TMEM132B: variants seen among roughly 807,000 people sequenced by gnomAD.
The protein encoded by TMEM132B is transmembrane protein 132B.
A neutral mutation model predicts 90.8 loss-of-function variants in TMEM132B; 18 were observed. That is an observed-to-expected ratio of 0.20 (90% confidence interval 0.14 to 0.29). The LOEUF is 0.29. TMEM132B is among the 10% of genes least tolerant of loss of function. TMEM132B has a pLI of 1.00. For synonymous variants in TMEM132B, 504 were observed against 523.3 expected (o/e 0.96, Z 0.50); for missense variants, 1,096 against 1,326.8 (o/e 0.83, Z 2.70).
intron 1 of TMEM132B, among the ~76,000 whole-genome samples, chr12:125,215,910 C>G (rs1428029928): frequency 6.6e-6 from 1 of 152,216 alleles, no homozygotes; most frequent in Non-Finnish European, 1.5e-5. Flanking sequence ...AGCTCAAGAG[C>G]CTTAACTTGA....
At chr12:125,471,886 A>G (rs1411370305) in intron 3 of TMEM132B, among the ~76,000 whole-genome samples, 1 of 152,226 alleles carries the variant, frequency 6.6e-6, no homozygotes, top group Admixed American at 6.5e-5. Context: ...GGGTAAAGGC[A>G]CGATTCATTT....
chr12:125,323,209 G>T (rs1876475755), intron 1 of TMEM132B, among the ~76,000 whole-genome samples: 1 of 152,168 alleles, frequency 6.6e-6, no homozygotes. Flanking sequence ...GCCAAGGCGG[G>T]CAAATCACCT....
intron 1 of TMEM132B, among the ~76,000 whole-genome samples, chr12:125,232,455 CT>C (rs71834054): frequency 0.016 from 2,294 of 145,536 alleles, 30 homozygotes; most frequent in Non-Finnish European, 0.021. Context: ...TTTCACTTAC[CT>C]TTTTTTTTTT....
At chr12:125,211,421 A>C (rs560911233) in intron 1 of TMEM132B, among the ~76,000 whole-genome samples, 33 of 152,266 alleles carry the variant, frequency 2.2e-4, no homozygotes, top group African/African-American at 7.9e-4. Flanking sequence ...TACCTCCCCA[A>C]AGTCAGCCTC....
At chr12:125,344,741 C>G (rs1428440556) in intron 1 of TMEM132B, among the ~76,000 whole-genome samples, 1 of 152,098 alleles carries the variant, frequency 6.6e-6, no homozygotes, top group Non-Finnish European at 1.5e-5. Context: ...GAAGGTGTCT[C>G]TGAGCTAAGA....
intron 3 of TMEM132B, among the ~76,000 whole-genome samples, chr12:125,496,615 G>A (rs1478282026): frequency 2.0e-5 from 3 of 152,050 alleles, no homozygotes; most frequent in Admixed American, 1.3e-4. Context: ...AGGCAAATGC[G>A]GTGCATTGGC....
chr12:125,214,544 G>A (rs1176781883), intron 1 of TMEM132B, among the ~76,000 whole-genome samples: 5 of 152,196 alleles, frequency 3.3e-5, no homozygotes, highest in Non-Finnish European at 7.4e-5. Flanking sequence ...GAGCAGGGAG[G>A]GAAGGGATCC....
chr12:125,650,766 G>A lies in TMEM132B; in HGVS notation c.1727G>A (p.Arg576His), dbSNP rs374760768. 65 of 1,614,212 alleles carry A rather than the reference G, an allele frequency of 4.0e-5. No individual in the cohort carries two copies. Among genetic ancestry groups the A allele is most frequent in the Non-Finnish European group, 4.9e-5 (58 of 1,180,046 alleles). Residue 576 changes from arginine (R) to histidine (H), a missense_variant, in exon 7 of 9, where the codon CGT becomes CAT. Physicochemically the swap from Arg to His is conservative, Grantham distance 29 (BLOSUM62 0). Coordinates refer to ENST00000682704, the MANE Select transcript of TMEM132B (RefSeq NM_001366854.1). ...CTGCAGTACCAGCACGCCACAGTGC[G>A]TGTCCTCACCCAGTTTGTGGCCGAG... ...CSLQYQHATV[R>H]VLTQFVAESP... is the part of the protein sequence containing the mutation.
At chr12:125,590,547 C>T (rs192806341) in intron 5 of TMEM132B, among the ~76,000 whole-genome samples, 96 of 152,312 alleles carry the variant, frequency 6.3e-4, no homozygotes, top group Middle Eastern at 3.4e-3. Flanking sequence ...GATTTGGCAT[C>T]GGGTAAAGAC....
intron 3 of TMEM132B, among the ~76,000 whole-genome samples, chr12:125,483,701 G>T (rs1205277474): frequency 1.3e-5 from 2 of 152,136 alleles, no homozygotes; most frequent in Non-Finnish European, 2.9e-5. Flanking sequence ...TGAATGAATG[G>T]GTATCAGGAA....
chr12:125,316,902 C>T (rs948418449), intron 1 of TMEM132B, among the ~76,000 whole-genome samples: 8 of 152,224 alleles, frequency 5.3e-5, no homozygotes, highest in African/African-American at 1.4e-4. Context: ...TGATGTGACT[C>T]GCCTAAGGTC....
At chr12:125,313,042 G>A (rs994226237) in intron 1 of TMEM132B, among the ~76,000 whole-genome samples, 8 of 152,144 alleles carry the variant, frequency 5.3e-5, no homozygotes, top group East Asian at 3.9e-4. Flanking sequence ...GACACCCCTC[G>A]TGTGAGCTGG....
chr12:125,249,731 C>T (rs936238627), intron 1 of TMEM132B, among the ~76,000 whole-genome samples: 3 of 152,214 alleles, frequency 2.0e-5, no homozygotes, highest in African/African-American at 7.2e-5. Flanking sequence ...TATCATCAAG[C>T]ACTGGGTGAC....
At position 125,458,770 on chromosome 12, in the gene TMEM132B, C is replaced by A. The variant is rs183727491; in HGVS notation, c.1106+43093C>A. Among the ~76,000 whole-genome samples the A allele has an allele frequency of 3.9e-3, 588 of 152,320 alleles. 4 individuals are homozygous for A. The highest frequency in any genetic ancestry group is 0.013 in the African/African-American group (540 of 41,576). On this transcript the variant is annotated intron_variant, in intron 3 of 8. Transcript: ENST00000682704. This position sits in a 1 kb window ranked among gnomAD's most constrained non-coding sequence, Gnocchi z 4.9. ...CAGGGTGACTCACGTGGACACTCAG[C>A]ATCTGAGGACAAATGAGAGTAGATG...
chr12:125,545,804 A>T (rs4474498), intron 4 of TMEM132B, among the ~76,000 whole-genome samples: 32,457 of 152,088 alleles, frequency 0.21, 3,900 homozygotes, highest in Non-Finnish European at 0.28. Flanking sequence ...GAATCCCTGG[A>T]TCCAGTCATA....
intron 5 of TMEM132B, among the ~76,000 whole-genome samples, chr12:125,629,345 T>C (rs1425090008): frequency 1.3e-5 from 2 of 152,134 alleles, no homozygotes; most frequent in East Asian, 3.8e-4. Context: ...GTTTTCAGTA[T>C]AGAGATCGTT....
At chr12:125,290,272 T>C (rs187025575) in intron 1 of TMEM132B, among the ~76,000 whole-genome samples, 7 of 152,324 alleles carry the variant, frequency 4.6e-5, no homozygotes, top group African/African-American at 1.4e-4. Flanking sequence ...CTCTTATTGA[T>C]TTATGAAACC....
chr12:125,630,545 T>C (rs545543842), intron 5 of TMEM132B, among the ~76,000 whole-genome samples: 1 of 152,226 alleles, frequency 6.6e-6, no homozygotes, highest in Admixed American at 6.5e-5. Context: ...TTAGTTATTC[T>C]AGCTAAAAGT....
In TMEM132B at chr12:125,653,887, G is replaced by A; in HGVS notation, c.2429G>A (p.Gly810Asp). Reference protein sequence around the residue: ...EHQGGSNDIEGINREYKDHLS... With the variant: ...EHQGGSNDIEDINREYKDHLS... ...CAAGGAGGCAGCAATGATATTGAGG[G>A]CATAAATCGGGAATATAAAGACCAC... is the stretch of plus-strand genomic sequence containing the variant. Residue 810 changes from glycine to aspartate, a missense_variant, in exon 9 of 9, where the codon GGC (glycine) becomes GAC (aspartate). Coordinates refer to ENST00000682704, the MANE Select transcript of TMEM132B (RefSeq NM_001366854.1). 1 of 1,614,146 alleles carries A rather than the reference G, an allele frequency of 6.2e-7. No individual in the cohort carries two copies. Among genetic ancestry groups the A allele is most frequent in the Non-Finnish European group, 8.5e-7 (1 of 1,180,040 alleles).
Sources: allele counts gnomAD v4.1 joint callset (sites outside exome capture counted in the v4.1 genomes callset), GRCh38; gene constraint gnomAD v4.1.1; non-coding constraint Gnocchi (gnomAD v3.1); transcripts MANE v1.5; gene names NCBI Gene and HGNC (gene_info 2026-07-23, HGNC 2026-07-21).